The following POLR3B variants were observed in gnomAD, a reference collection of about 807,000 sequenced individuals.
The protein encoded by POLR3B is DNA-directed RNA polymerase III subunit RPC2.
Under a neutral mutation model 147.4 loss-of-function variants are expected in POLR3B, and 96 were observed. That is an observed-to-expected ratio of 0.65 (90% CI 0.55 to 0.77). The LOEUF is 0.77. Among genes scored for constraint, POLR3B ranks in the 30% least tolerant of loss-of-function variants. The probability of loss-of-function intolerance (pLI) is 0.00; values close to 1 mark genes in which losing one functional copy is unlikely to be tolerated. For synonymous variants in POLR3B, 461 were observed against 485.9 expected, an observed-to-expected ratio of 0.95 and a Z score of 0.67; for missense variants, 1,036 against 1,413.5, an observed-to-expected ratio of 0.73 and a Z score of 4.28.
intron 9 of POLR3B, among the ~76,000 whole-genome samples, chr12:106,387,404 C>T (rs1339415127): frequency 6.6e-6 from 1 of 152,164 alleles, no homozygotes; most frequent in Non-Finnish European, 1.5e-5. Context: ...GACTGTTATA[C>T]ATACCTGTTT....
chr12:106,368,869 T>C (rs2036565617), intron 4 of POLR3B, among the ~76,000 whole-genome samples: 1 of 150,298 alleles, frequency 6.7e-6, no homozygotes, highest in Non-Finnish European at 1.5e-5. Flanking sequence ...TTTATCCTTT[T>C]CATCCTTCTT....
Position 106,504,267 on chromosome 12 carries a change from CAT to C in POLR3B, c.3272+16_3272+17del, listed in dbSNP as rs762539660. ...GGTATTCTGGCTGGTAAGTGGATAC[CAT>C]ATGTCTCCCATACCACACCCCTTGC... On this transcript the variant is annotated intron_variant, in intron 27 of 27. Coordinates refer to ENST00000228347, the MANE Select transcript of POLR3B (RefSeq NM_018082.6). This position sits in a 1 kb window ranked among gnomAD's most constrained non-coding sequence, Gnocchi z 4.6. 1.9e-6 allele frequency: 3 copies of C among 1,605,364 alleles called. No individual in the cohort carries two copies. The highest frequency in any genetic ancestry group is 2.6e-6 in the Non-Finnish European group (3 of 1,172,168).
At chr12:106,464,675 T>C (rs1455790777) in intron 23 of POLR3B, among the ~76,000 whole-genome samples, 1 of 152,230 alleles carries the variant, frequency 6.6e-6, no homozygotes, top group African/African-American at 2.4e-5. Context: ...ACTTAAGATG[T>C]ATCACTTCTA....
At chr12:106,450,113 A>G (rs1237662393) in intron 19 of POLR3B, among the ~76,000 whole-genome samples, 2 of 152,190 alleles carry the variant, frequency 1.3e-5, no homozygotes, top group African/African-American at 2.4e-5. Context: ...TTGATTTTCA[A>G]TGAATGTGTC....
chr12:106,452,326 A>G (rs1056739837), intron 19 of POLR3B, among the ~76,000 whole-genome samples: 49 of 152,358 alleles, frequency 3.2e-4, no homozygotes, highest in African/African-American at 1.1e-3. Flanking sequence ...TTTTGATGTC[A>G]TAAGCACTAA....
chr12:106,369,544 A>G lies in POLR3B; in HGVS notation c.304-39A>G, dbSNP rs1208282799. 3.0e-6 allele frequency: 4 copies of G among 1,343,866 alleles called. No individual in the cohort carries two copies. The South Asian group carries it at 3.5e-5, about 12-fold the overall frequency. The allele number at this position is 1,343,866 out of a possible 1,614,324, so 83.2% of individuals were successfully genotyped here. ...TGAAGTGGTCAGGACCCTGTTGCAG[A>G]GAGGAGCAGTAACTGTCAGATTCCT... is the stretch of plus-strand genomic sequence containing the variant. On this transcript the variant is annotated intron_variant, in intron 5 of 27. Coordinates refer to ENST00000228347, the MANE Select transcript of POLR3B (RefSeq NM_018082.6).
Position 106,363,881 on chromosome 12 carries a change from G to T in POLR3B, c.84G>T (p.Arg28Ser). 2 of 1,608,324 alleles carry T rather than the reference G, an allele frequency of 1.2e-6. No individual in the cohort carries two copies. The highest frequency in any genetic ancestry group is 1.7e-6 in the Non-Finnish European group (2 of 1,175,240). ...APIPTVEEKW[R>S]LLPAFLKVKG... is the part of the protein sequence containing the mutation. ...GTTTTGGCTCACAGGAAAAATGGAG[G>T]CTGCTTCCAGCATTTTTAAAGGTAA... Residue 28 changes from arginine to serine, a missense_variant, in exon 2 of 28, where the codon AGG becomes AGT. Arg to Ser is a moderately radical substitution (Grantham distance 110, BLOSUM62 -1). Coordinates refer to ENST00000228347, the MANE Select transcript of POLR3B (RefSeq NM_018082.6).
At chr12:106,485,804 T>A (rs1444512014) in intron 23 of POLR3B, among the ~76,000 whole-genome samples, 1 of 152,124 alleles carries the variant, frequency 6.6e-6, no homozygotes, top group Non-Finnish European at 1.5e-5. Flanking sequence ...AGGCTGGCAA[T>A]TGGTTATAGA....
intron 10 of POLR3B, among the ~76,000 whole-genome samples, chr12:106,402,913 T>C (rs1415101691): frequency 6.6e-6 from 1 of 152,064 alleles, no homozygotes; most frequent in Non-Finnish European, 1.5e-5. Flanking sequence ...GGACTTCATG[T>C]CTAAAACACC....
chr12:106,433,582 G>A (rs545178601), intron 15 of POLR3B, 137 bp from the exon 16 acceptor site: 1 of 660,002 alleles, frequency 1.5e-6, no homozygotes, highest in East Asian at 2.7e-5. Context: ...GCAACCTTGT[G>A]GACTGGCTGC....
rs553041310 is a variant in POLR3B at position 106,486,939 on chromosome 12, A to G, written c.2714-9116A>G. Among the ~76,000 whole-genome samples, 7 of 152,310 alleles carry G rather than the reference A, an allele frequency of 4.6e-5. No individual in the cohort carries two copies. In the East Asian group the frequency reaches 1.4e-3, roughly 29 times the overall value. On this transcript the variant is annotated intron_variant, in intron 23 of 27. Transcript: ENST00000228347. ...TTATTTGGCTAGATGTGACAGTAAA[A>G]GCCACAAAAAGAGGGCACTTGAAGA...
chr12:106,362,451 A>G (rs2036483413), intron 1 of POLR3B, among the ~76,000 whole-genome samples: 1 of 152,226 alleles, frequency 6.6e-6, no homozygotes, highest in Non-Finnish European at 1.5e-5. Context: ...TCAGGGTGAC[A>G]ACAGAGCTGG....
chr12:106,505,960 A>G (rs991626093), intron 27 of POLR3B, among the ~76,000 whole-genome samples: 1 of 152,184 alleles, frequency 6.6e-6, no homozygotes, highest in Non-Finnish European at 1.5e-5. Flanking sequence ...CAGTTATTTC[A>G]TGATTTTGGT....
At chr12:106,437,154 T>TA in intron 17 of POLR3B, 23 bp downstream of exon 17, 2 of 1,496,768 alleles carry the variant, frequency 1.3e-6, no homozygotes, top group East Asian at 2.3e-5. Flanking sequence ...AAGTAAAACT[T>TA]ACCAATCTCC....
intron 23 of POLR3B, among the ~76,000 whole-genome samples, chr12:106,469,617 C>T (rs1434439793): frequency 2.0e-5 from 3 of 152,132 alleles, no homozygotes; most frequent in Non-Finnish European, 2.9e-5. Context: ...TTAGTGCTTC[C>T]TTCAGGAGCT....
intron 23 of POLR3B, among the ~76,000 whole-genome samples, chr12:106,472,781 A>G (rs1280729176): frequency 1.0e-5 from 1 of 100,202 alleles, no homozygotes; most frequent in Non-Finnish European, 1.9e-5. Flanking sequence ...TCAGATGAGT[A>G]GGTTGCGAAA....
chr12:106,422,208 TC>T (rs1404142285), intron 12 of POLR3B, among the ~76,000 whole-genome samples: 1 of 152,130 alleles, frequency 6.6e-6, no homozygotes, highest in African/African-American at 2.4e-5. Context: ...AGCACCATCC[TC>T]CTAGTGCCAT....
Position 106,435,253 on chromosome 12 carries a change from A to AC in POLR3B, c.1781+1386dup, listed in dbSNP as rs535273408. On this transcript the variant is annotated intron_variant, in intron 16 of 27. Coordinates refer to ENST00000228347, the MANE Select transcript of POLR3B (RefSeq NM_018082.6). ...AGCGATTCTCATGTCTCAGCTCCCC[A>AC]CCCCCGTCCCTGACCCAGTAGCTGG... Among the ~76,000 whole-genome samples the AC allele has an allele frequency of 7.5e-5, 8 of 106,506 alleles. No homozygotes were observed. The South Asian group carries it at 2.6e-3, about 35-fold the overall frequency. The allele number at this position is 106,506 out of a possible 152,430, so 69.9% of individuals were successfully genotyped here.
In POLR3B at chr12:106,454,600, A is replaced by T; in HGVS notation, c.2182A>T (p.Ile728Leu). ...PMVKTKTIEL[I>L]EFEKLPAGQN... ...GGTTAAGACAAAAACCATTGAATTGATAGAATTTGAGAAACTGCCAGCTGG... is the reference window on the plus strand; with the variant it reads ...GGTTAAGACAAAAACCATTGAATTGTTAGAATTTGAGAAACTGCCAGCTGG... Residue 728 changes from isoleucine (I) to leucine (L), a missense_variant, in exon 20 of 28, where the codon ATA becomes TTA. By Grantham distance (5) the Ile-to-Leu change is conservative. Coordinates refer to ENST00000228347, the MANE Select transcript of POLR3B (RefSeq NM_018082.6). 6.2e-7 allele frequency: 1 copy of T among 1,609,206 alleles called. No homozygotes were observed. The highest frequency in any genetic ancestry group is 8.5e-7 in the Non-Finnish European group (1 of 1,175,666).
Sources: allele counts gnomAD v4.1 joint callset (sites outside exome capture counted in the v4.1 genomes callset), GRCh38; gene constraint gnomAD v4.1.1; non-coding constraint Gnocchi (gnomAD v3.1); transcripts MANE v1.5; gene names NCBI Gene and HGNC (gene_info 2026-07-23, HGNC 2026-07-21).